RNF24: variants seen among roughly 807,000 people sequenced by gnomAD.
The protein encoded by RNF24 is ring finger protein 24.
Under a neutral mutation model 20.0 loss-of-function variants are expected in RNF24, and 14 were observed. The observed-to-expected ratio is 0.70, with a 90% confidence interval of 0.46 to 1.10. The LOEUF is 1.10. Ranked by LOEUF, RNF24 falls within the 50% of genes least tolerant of loss-of-function variation. The pLI is 0.00. For missense variants in RNF24, 124 were observed against 177.6 expected (o/e 0.70, Z 1.71); for synonymous variants, 45 against 61.1 (o/e 0.74, Z 1.23).
intron 4 of RNF24, among the ~76,000 whole-genome samples, chr20:3,939,223 G>A (rs2090926565): frequency 6.6e-6 from 1 of 152,106 alleles, no homozygotes; most frequent in African/African-American, 2.4e-5. Flanking sequence ...CAAATTCCTG[G>A]ACTCAAGGGA....
At chr20:3,956,213 G>T (rs1387145867) in intron 2 of RNF24, among the ~76,000 whole-genome samples, 3 of 149,980 alleles carry the variant, frequency 2.0e-5, no homozygotes, top group Admixed American at 2.0e-4. Flanking sequence ...TGATCTTAGG[G>T]GAAAGCTTTC....
chr20:3,928,199 G>C lies in RNF24; in HGVS notation c.*5864C>G, dbSNP rs749468612. The C allele has an allele frequency of 6.6e-6, 1 of 152,182 alleles. No homozygotes were observed. Among genetic ancestry groups the C allele is most frequent in the Non-Finnish European group, 1.5e-5 (1 of 68,042 alleles). The allele number at this position is 152,182 out of a possible 1,614,324, so 9.4% of individuals were successfully genotyped here. ...CAGCTACAGGAAAAGACACACCCAGGGCCAGAGATTCTACAAATGCCAGAA... is the reference window on the plus strand; with the variant it reads ...CAGCTACAGGAAAAGACACACCCAGCGCCAGAGATTCTACAAATGCCAGAA... On this transcript the variant is annotated 3_prime_UTR_variant, in exon 6 of 6. Coordinates refer to ENST00000358395, the MANE Select transcript of RNF24 (RefSeq NM_001134337.3).
At chr20:3,981,992 C>A (rs2147028278) in intron 1 of RNF24, among the ~76,000 whole-genome samples, 1 of 151,948 alleles carries the variant, frequency 6.6e-6, no homozygotes, top group South Asian at 2.1e-4. Flanking sequence ...GTGGTGCATG[C>A]CTATGGTCCC....
intron 1 of RNF24, among the ~76,000 whole-genome samples, chr20:3,992,987 C>T (rs6116146): frequency 0.014 from 2,069 of 152,148 alleles, 58 homozygotes; most frequent in African/African-American, 0.048. Flanking sequence ...TTGATTACAT[C>T]CAATGTAGCA....
At chr20:3,984,452 A>G (rs1276440267) in intron 1 of RNF24, among the ~76,000 whole-genome samples, 1 of 152,162 alleles carries the variant, frequency 6.6e-6, no homozygotes, top group African/African-American at 2.4e-5. Context: ...TTTGAGCCTC[A>G]GCACCTAAGC....
intron 1 of RNF24, among the ~76,000 whole-genome samples, chr20:4,011,626 T>C (rs1276134400): frequency 1.3e-5 from 2 of 152,234 alleles, no homozygotes; most frequent in Non-Finnish European, 2.9e-5. Context: ...TTGAATGAAT[T>C]AGTGACTGAT....
chr20:3,941,285 A>T (rs1049770200), intron 4 of RNF24, among the ~76,000 whole-genome samples: 1 of 152,176 alleles, frequency 6.6e-6, no homozygotes, highest in Non-Finnish European at 1.5e-5. Context: ...TTGAGTTTTT[A>T]AAAACATGTC....
intron 1 of RNF24, among the ~76,000 whole-genome samples, chr20:3,973,762 C>T (rs1358065238): frequency 1.3e-5 from 2 of 151,976 alleles, no homozygotes; most frequent in African/African-American, 4.8e-5. Context: ...TAAAAATTCA[C>T]AAAAAAGAAA....
intron 1 of RNF24, among the ~76,000 whole-genome samples, chr20:3,984,780 C>T (rs1405239410): frequency 2.0e-5 from 3 of 151,688 alleles, no homozygotes; most frequent in African/African-American, 7.3e-5. Context: ...CAGAGGATAA[C>T]TCTTCTTTCT....
At chr20:3,957,856 AATG>A (rs2091160282) in intron 2 of RNF24, among the ~76,000 whole-genome samples, 1 of 152,238 alleles carries the variant, frequency 6.6e-6, no homozygotes, top group South Asian at 2.1e-4. Context: ...GTGCTAGAGA[AATG>A]ATAAAACCGT....
intron 1 of RNF24, among the ~76,000 whole-genome samples, chr20:3,991,452 C>T (rs1039501950): frequency 6.6e-6 from 1 of 151,904 alleles, no homozygotes; most frequent in African/African-American, 2.4e-5. Flanking sequence ...TAGGATTTCA[C>T]CGTGTTAGCC....
intron 4 of RNF24, among the ~76,000 whole-genome samples, chr20:3,940,829 G>A (rs1333289044): frequency 1.3e-5 from 2 of 152,120 alleles, no homozygotes; most frequent in Admixed American, 6.5e-5. Context: ...GAATGAAGGT[G>A]AAATAAAAAC....
chr20:3,975,946 T>C (rs1272583339), intron 1 of RNF24, among the ~76,000 whole-genome samples: 1 of 151,910 alleles, frequency 6.6e-6, no homozygotes, highest in Non-Finnish European at 1.5e-5. Flanking sequence ...ACCACCATGC[T>C]CTGTTCATCT....
At chr20:3,983,890 G>A (rs1164286592) in intron 1 of RNF24, among the ~76,000 whole-genome samples, 1 of 138,260 alleles carries the variant, frequency 7.2e-6, no homozygotes, top group Non-Finnish European at 1.5e-5. Flanking sequence ...GCAGTGAGCC[G>A]AGATCGCGCC....
At chr20:3,935,132 A>C (rs2090875351) in intron 4 of RNF24, 59 bp from the exon 5 acceptor site, 2 of 1,417,500 alleles carry the variant, frequency 1.4e-6, no homozygotes, top group Non-Finnish European at 2.0e-6. Flanking sequence ...CCAGGTACAA[A>C]GTAGAGTGCA....
At position 4,008,382 on chromosome 20, in the gene RNF24, T is replaced by TATGTATA. The variant is rs1232018853; in HGVS notation, c.-8+7054_-8+7055insTATACAT. 5.2e-4 allele frequency among the ~76,000 whole-genome samples: 8 copies of TATGTATA among 15,492 alleles called. 1 individual carries two copies. The highest frequency in any genetic ancestry group is 1.5e-3 in the East Asian group (3 of 2,010). The allele number at this position is 15,492 out of a possible 152,430, so 10.2% of individuals were successfully genotyped here. A position where few individuals can be genotyped will look rare whatever the true frequency, so the allele number is the denominator to read the frequency against. On this transcript the variant is annotated intron_variant, in intron 1 of 5. Coordinates refer to ENST00000358395, the MANE Select transcript of RNF24 (RefSeq NM_001134337.3). ...TATAATATATATATTATATATATAA[T>TATGTATA]ATATATATTATATATGTAATATGTA... is the stretch of plus-strand genomic sequence containing the variant.
At chr20:3,951,627 T>A (rs979215427) in intron 2 of RNF24, among the ~76,000 whole-genome samples, 1 of 152,236 alleles carries the variant, frequency 6.6e-6, no homozygotes, top group African/African-American at 2.4e-5. Flanking sequence ...CAATTATTTA[T>A]TTCTATCAGT....
chr20:3,960,941 G>A (rs2091195269), intron 2 of RNF24, among the ~76,000 whole-genome samples: 2 of 151,944 alleles, frequency 1.3e-5, no homozygotes, highest in Admixed American at 6.6e-5. Flanking sequence ...CTACAGGCGT[G>A]TGCCACCACA....
At chr20:3,955,946 C>A (rs758350021) in intron 2 of RNF24, among the ~76,000 whole-genome samples, 7 of 152,168 alleles carry the variant, frequency 4.6e-5, no homozygotes, top group Middle Eastern at 3.4e-3. Context: ...TGTTGATGCA[C>A]AGAAACACAA....
Sources: gnomAD v4.1 joint callset for allele counts (sites outside exome capture counted in the v4.1 genomes callset) on GRCh38, gnomAD v4.1.1 for gene constraint, MANE v1.5 for transcripts, NCBI Gene and HGNC (gene_info 2026-07-23, HGNC 2026-07-21) for gene names.